Variants in MPP2 observed in about 807,000 individuals in gnomAD.
MPP2 encodes the protein MAGUK p55 scaffold protein 2, also known as MAGUK p55 subfamily member 2.
In MPP2, 42 loss-of-function variants were observed where a neutral mutation model predicts 58.5. That is an observed-to-expected ratio of 0.72 (90% CI 0.56 to 0.93). The LOEUF (loss-of-function observed/expected upper bound fraction) is 0.93. Ranked by LOEUF, MPP2 falls within the 40% of genes least tolerant of loss-of-function variation. The pLI is 0.00. For missense variants in MPP2, 632 were observed against 760.4 expected, an observed-to-expected ratio of 0.83 and a Z score of 1.99; for synonymous variants, 300 against 307.8, an observed-to-expected ratio of 0.97 and a Z score of 0.26.
intron 3 of MPP2, among the ~76,000 whole-genome samples, chr17:43,895,049 G>A (rs541945979): frequency 3.4e-4 from 52 of 152,212 alleles, no homozygotes; most frequent in African/African-American, 1.2e-3. Context: ...GGTTACCTGT[G>A]GGAAGGGAAT....
At position 43,876,812 on chromosome 17, in the gene MPP2, A is replaced by G. The variant is rs2046860331; in HGVS notation, c.*995T>C. On this transcript the variant is annotated 3_prime_UTR_variant, in exon 13 of 13. Coordinates refer to ENST00000269095, the MANE Select transcript of MPP2 (RefSeq NM_005374.5). ...CCTCCTGGAGGGCAACTGTCCTTCA[A>G]GCCCAGGCTCCCAAGGTCCCCTCTG... 6.6e-6 allele frequency: 1 copy of G among 152,382 alleles called. No homozygotes were observed. Among genetic ancestry groups the G allele is most frequent in the South Asian group, 2.1e-4 (1 of 4,834 alleles). 9.4% of individuals were successfully genotyped at this position (152,382 alleles called of 1,614,324 possible). A position where few individuals can be genotyped will look rare whatever the true frequency, so the allele number is the denominator to read the frequency against.
intron 1 of MPP2, chr17:43,907,010 C>T: frequency 4.3e-6 from 1 of 233,476 alleles, no homozygotes. Flanking sequence ...CTTCTGCGGA[C>T]CCCCTCCCAG....
rs146465961 is a variant in MPP2 at position 43,881,441 on chromosome 17, G to A, written c.813+17C>T. The A allele has an allele frequency of 2.2e-3, 3,624 of 1,614,030 alleles. 70 individuals carry two copies. The African/African-American group carries it at 0.043, about 19-fold the overall frequency. On this transcript the variant is annotated intron_variant, in intron 7 of 12. Coordinates refer to ENST00000269095, the MANE Select transcript of MPP2 (RefSeq NM_005374.5). ...ATGCACCATACCTGGAGAGATGCGG[G>A]GGTGCCCGCAGCTCACCTGCCACCA...
chr17:43,909,486 G>A, upstream of MPP2: 1 of 1,104,102 alleles, frequency 9.1e-7, no homozygotes, highest in East Asian at 3.2e-5. Context: ...TTTGGAAGAG[G>A]AAGGATCTTG....
intron 3 of MPP2, among the ~76,000 whole-genome samples, chr17:43,893,446 C>T (rs944571172): frequency 2.0e-4 from 31 of 152,166 alleles, no homozygotes; most frequent in African/African-American, 7.5e-4. Flanking sequence ...TCAGCAGTGA[C>T]ATACACATCT....
Position 43,881,299 on chromosome 17 carries a change from C to T in MPP2, c.864G>A (p.Leu288=), listed in dbSNP as rs373647309. The T allele has an allele frequency of 1.5e-5, 25 of 1,614,004 alleles. No individual in the cohort carries two copies. In the African/African-American group the frequency reaches 2.7e-4, roughly 17 times the overall value. The stretch of plus-strand genomic sequence containing the variant: ...TGACAAATGCTTTCCGCTTCTCCTC[C>T]AGCAGCTGGCTGGGAATGAGCCCAG... ...GSAGLIPSQL[L]EEKRKAFVKR... Residue 288 remains leucine (L), a synonymous_variant, in exon 8 of 13, where the codon CTG becomes CTA. Transcript: ENST00000269095.
chr17:43,882,823 G>C, intron 5 of MPP2, 80 bp downstream of exon 5: 1 of 1,585,374 alleles, frequency 6.3e-7, no homozygotes, highest in Non-Finnish European at 8.6e-7. Flanking sequence ...GACCACACTT[G>C]GCCTTTTTTG....
intron 3 of MPP2, among the ~76,000 whole-genome samples, chr17:43,893,234 T>C (rs552444169): frequency 2.3e-4 from 35 of 152,244 alleles, no homozygotes; most frequent in Middle Eastern, 3.4e-3. Flanking sequence ...GTGGAGACAA[T>C]AGCTAAAGTA....
rs2047796036 is a variant in MPP2, at chr17:43,895,219, C to T, written c.150+3043G>A. On this transcript the variant is annotated intron_variant, in intron 3 of 12. Coordinates refer to ENST00000269095, the MANE Select transcript of MPP2 (RefSeq NM_005374.5). ...GCCTCGACCTACCCAGCTCAAGCAACTCTCCTGCCTCAGCCTCTTGAGTAG... is the reference window on the plus strand; with the variant it reads ...GCCTCGACCTACCCAGCTCAAGCAATTCTCCTGCCTCAGCCTCTTGAGTAG... Among the ~76,000 whole-genome samples the T allele has an allele frequency of 3.3e-5, 5 of 151,978 alleles. 1 individual carries two copies. The South Asian group carries it at 1.0e-3, about 31-fold the overall frequency.
intron 3 of MPP2, among the ~76,000 whole-genome samples, chr17:43,893,353 C>T (rs1227805368): frequency 6.6e-6 from 1 of 152,200 alleles, no homozygotes; most frequent in Admixed American, 6.5e-5. Context: ...GCCAAGTGTC[C>T]ATTCTAGAGA....
In MPP2 at chr17:43,880,621, G is replaced by A; in HGVS notation, c.1150+70C>T. Reference sequence around the variant, plus strand: ...GTGCCCATGAAGATGCCCATTCGGTGGGCCCAGCCCTGGCCCCAGGGGAGC... The same window carrying A: ...GTGCCCATGAAGATGCCCATTCGGTAGGCCCAGCCCTGGCCCCAGGGGAGC... On this transcript the variant is annotated intron_variant, in intron 10 of 12. Transcript: ENST00000269095. The surrounding 1 kb of genome is among the most constrained non-coding windows in gnomAD (Gnocchi z 5.2). 3 of 1,493,554 alleles carry A rather than the reference G, an allele frequency of 2.0e-6. No homozygotes were observed. The Middle Eastern group carries it at 5.4e-4, about 271-fold the overall frequency. 92.5% of individuals were successfully genotyped at this position (1,493,554 alleles called of 1,614,324 possible).
chr17:43,879,168 GC>G lies in MPP2; in HGVS notation c.1482+106del. ...CCTGCCTCACTGATAACTGGAGCAG[GC>G]CCCTGTCCCTCCCCAACACCACCTC... On this transcript the variant is annotated intron_variant, in intron 12 of 12. Transcript: ENST00000269095. This position sits in a 1 kb window ranked among gnomAD's most constrained non-coding sequence, Gnocchi z 4.1. 1 of 1,364,614 alleles carries G rather than the reference GC, an allele frequency of 7.3e-7. No individual in the cohort carries two copies. Among genetic ancestry groups the G allele is most frequent in the South Asian group, 1.4e-5 (1 of 73,172 alleles). 84.5% of individuals were successfully genotyped at this position (1,364,614 alleles called of 1,614,324 possible).
At chr17:43,902,322 C>G (rs557048872) in intron 2 of MPP2, among the ~76,000 whole-genome samples, 17 of 152,222 alleles carry the variant, frequency 1.1e-4, no homozygotes, top group African/African-American at 4.1e-4. Context: ...TCTGCAACAA[C>G]GAAGCCAAAT....
chr17:43,877,848 G>C lies in MPP2; in HGVS notation c.1618C>G (p.Arg540Gly). 3 of 1,614,014 alleles carry C rather than the reference G, an allele frequency of 1.9e-6. No individual in the cohort carries two copies. The highest frequency in any genetic ancestry group is 2.5e-6 in the Non-Finnish European group (3 of 1,179,930). ...ACAGGCACCCACTGGGGCTCTGTCC[G>C]TAGCTTCTCCATGGCTGTCTGGAGC... is the stretch of plus-strand genomic sequence containing the variant. Reference protein sequence around the residue: ...RELQTAMEKLRTEPQWVPVSW... With the variant: ...RELQTAMEKLGTEPQWVPVSW... The change falls in exon 13 of 13, where the codon CGG becomes GGG. Residue 540 changes from arginine (R) to glycine (G), a missense_variant. Physicochemically the swap from Arg to Gly is moderately radical, Grantham distance 125. Transcript: ENST00000269095.
chr17:43,900,828 G>A (rs1037009993), intron 2 of MPP2, among the ~76,000 whole-genome samples: 2 of 152,202 alleles, frequency 1.3e-5, no homozygotes, highest in African/African-American at 2.4e-5. Flanking sequence ...GCATGTCAGT[G>A]TCGGTGGGGA....
chr17:43,883,219 T>C lies in MPP2; in HGVS notation c.287A>G (p.Gln96Arg). 1 of 1,607,076 alleles carries C rather than the reference T, an allele frequency of 6.2e-7. No homozygotes were observed. Among genetic ancestry groups the C allele is most frequent in the African/African-American group, 1.3e-5 (1 of 74,918 alleles). ...STAAELAHIL[Q>R]EPHFQSLLET... ...GCCAGGAACCTGGAAGTGGGGCTCCTGGAGGATGTGGGCCAGCTCGGCGGC... is the reference window on the plus strand; with the variant it reads ...GCCAGGAACCTGGAAGTGGGGCTCCCGGAGGATGTGGGCCAGCTCGGCGGC... The change falls in exon 4 of 13, where the codon CAG becomes CGG. Residue 96 changes from glutamine (Q) to arginine (R), a missense_variant. By Grantham distance (43) the Gln-to-Arg change is conservative (BLOSUM62 1). Transcript: ENST00000269095.
rs961116315 is a variant in MPP2 at position 43,876,570 on chromosome 17, C to T, written c.*1237G>A. ...TAAGAAATGAGGGCTGATGGGGAACCCCCAGAAAGGGGCCCCAAAGAGTGA... is the reference window on the plus strand; with the variant it reads ...TAAGAAATGAGGGCTGATGGGGAACTCCCAGAAAGGGGCCCCAAAGAGTGA... On this transcript the variant is annotated 3_prime_UTR_variant, in exon 13 of 13. Transcript: ENST00000269095. The T allele has an allele frequency of 1.3e-5, 2 of 152,226 alleles. No homozygotes were observed. Among genetic ancestry groups the T allele is most frequent in the Admixed American group, 1.3e-4 (2 of 15,268 alleles). The allele number at this position is 152,226 out of a possible 1,614,324, so 9.4% of individuals were successfully genotyped here.
At chr17:43,898,448 A>C (rs1356151049) in intron 2 of MPP2, 68 bp from the exon 3 acceptor site, 2 of 1,067,072 alleles carry the variant, frequency 1.9e-6, no homozygotes, top group Non-Finnish European at 2.9e-6. Flanking sequence ...AACACACCAC[A>C]ATACTTGCCA....
At position 43,896,106 on chromosome 17, in the gene MPP2, G is replaced by A. The variant is rs1000951733; in HGVS notation, c.150+2156C>T. On this transcript the variant is annotated intron_variant, in intron 3 of 12. Transcript: ENST00000269095. ...CCAGCCATAGCCAGCCTGTGACAGA[G>A]TCCCCGCTCTACAGAAAACCCACCA... is the stretch of plus-strand genomic sequence containing the variant. Among the ~76,000 whole-genome samples the A allele has an allele frequency of 2.0e-5, 3 of 152,044 alleles. No individual in the cohort carries two copies. The South Asian group carries it at 6.2e-4, about 32-fold the overall frequency.
Sources: allele counts gnomAD v4.1 joint callset (sites outside exome capture counted in the v4.1 genomes callset), GRCh38; gene constraint gnomAD v4.1.1; non-coding constraint Gnocchi (gnomAD v3.1); transcripts MANE v1.5; gene names NCBI Gene and HGNC (gene_info 2026-07-23, HGNC 2026-07-21).